FAM178B: variants seen among roughly 807,000 people sequenced by gnomAD.
The protein encoded by FAM178B is protein FAM178B.
A neutral mutation model predicts 91.7 loss-of-function variants in FAM178B; 82 were observed. The ratio of observed to expected loss-of-function variants is 0.89; its 90% CI spans 0.75 to 1.07. The LOEUF is 1.07. Ranked by LOEUF, FAM178B falls within the 50% of genes least tolerant of loss-of-function variation. The probability of loss-of-function intolerance (pLI) is 0.00; values close to 1 mark genes in which losing one functional copy is unlikely to be tolerated. For missense variants in FAM178B, 769 were observed against 846.7 expected, an observed-to-expected ratio of 0.91 and a Z score of 1.14; for synonymous variants, 368 against 359.4, an observed-to-expected ratio of 1.02 and a Z score of -0.27.
chr2:96,951,349 GCCACCTA>G (rs2081924087), intron 7 of FAM178B, 23 bp downstream of exon 7: 1 of 1,505,932 alleles, frequency 6.6e-7, no homozygotes, highest in African/African-American at 1.4e-5. Context: ...CAGCGCTCCC[GCCACCTA>G]GTGGCAGGCC....
At position 96,985,429 on chromosome 2, in the gene FAM178B, G is replaced by C. The variant is rs551849936; in HGVS notation, c.73+812C>G. On this transcript the variant is annotated intron_variant, in intron 1 of 16. Transcript: ENST00000490605. ...CCGAATCCTGCAAACCCCAGCCCCA[G>C]CCTTTAGCGTTCAGCCGCCCTCCCC... 1.1e-4 allele frequency among the ~76,000 whole-genome samples: 16 copies of C among 152,240 alleles called. No homozygotes were observed. The South Asian group carries it at 3.3e-3, about 32-fold the overall frequency.
chr2:96,912,660 T>C (rs1379667294), intron 12 of FAM178B, among the ~76,000 whole-genome samples: 2 of 151,978 alleles, frequency 1.3e-5, no homozygotes, highest in Non-Finnish European at 2.9e-5. Context: ...GGGAGCCGCG[T>C]CCTCTCCAGC....
intron 6 of FAM178B, among the ~76,000 whole-genome samples, chr2:96,954,189 G>A (rs1379356763): frequency 6.6e-6 from 1 of 152,260 alleles, no homozygotes; most frequent in African/African-American, 2.4e-5. Context: ...AGGCCTGGCT[G>A]AGTGGGAAGC....
chr2:96,965,226 C>A (rs59881596), intron 5 of FAM178B, among the ~76,000 whole-genome samples: 3,868 of 152,042 alleles, frequency 0.025, 149 homozygotes, highest in African/African-American at 0.087. Flanking sequence ...AGGCTGGTCT[C>A]AAAACTCCTT....
Position 96,986,436 on chromosome 2 carries a change from G to T in FAM178B, c.-123C>A. ...AGGCTCCCCAGGCGGCGCAGTGGGA[G>T]GACCCCAAGAGTTGCGTCCCTAGAT... On this transcript the variant is annotated 5_prime_UTR_variant, in exon 1 of 17. Transcript: ENST00000490605. The T allele has an allele frequency of 8.2e-7, 1 of 1,220,142 alleles. No homozygotes were observed. Among genetic ancestry groups the T allele is most frequent in the Non-Finnish European group, 1.1e-6 (1 of 901,054 alleles). 75.6% of individuals were successfully genotyped at this position (1,220,142 alleles called of 1,614,324 possible). A position where few individuals can be genotyped will look rare whatever the true frequency, so the allele number is the denominator to read the frequency against.
intron 8 of FAM178B, among the ~76,000 whole-genome samples, chr2:96,937,002 T>A (rs995502167): frequency 6.6e-6 from 1 of 152,156 alleles, no homozygotes. Flanking sequence ...TCCTCCTGCC[T>A]CAGCCTCCAG....
At chr2:96,908,595 T>C (rs541993915) in intron 12 of FAM178B, among the ~76,000 whole-genome samples, 17 of 152,240 alleles carry the variant, frequency 1.1e-4, no homozygotes, top group African/African-American at 3.9e-4. Context: ...GCTGTGAAAG[T>C]GATTACCTCT....
chr2:96,883,558 C>T (rs2080442064), intron 14 of FAM178B, among the ~76,000 whole-genome samples: 1 of 152,260 alleles, frequency 6.6e-6, no homozygotes, highest in African/African-American at 2.4e-5. Context: ...AGACCTGTTT[C>T]TGGCAGGAGG....
At chr2:96,926,648 T>C (rs1044048975) in intron 9 of FAM178B, among the ~76,000 whole-genome samples, 2 of 151,506 alleles carry the variant, frequency 1.3e-5, no homozygotes, top group African/African-American at 4.9e-5. Context: ...AGTCTCATCA[T>C]TGAGCAGAGG....
rs146756309 is a variant in FAM178B, at chr2:96,947,915, A to C, written c.994-13T>G. ...GCCATGTCAGCAGCTAGGTGGAAAA[A>C]AAAAACAAAAACAAAAACCTGGTGA... On this transcript the variant is annotated splice_polypyrimidine_tract_variant and intron_variant, in intron 7 of 16. Transcript: ENST00000490605. 8.8e-4 allele frequency: 1,301 copies of C among 1,485,894 alleles called. 9 individuals carry two copies. The African/African-American group carries it at 0.013, about 14-fold the overall frequency. The allele number at this position is 1,485,894 out of a possible 1,614,324, so 92.0% of individuals were successfully genotyped here.
At chr2:96,978,632 T>C (rs1050411555) in intron 1 of FAM178B, among the ~76,000 whole-genome samples, 1 of 151,532 alleles carries the variant, frequency 6.6e-6, no homozygotes, top group African/African-American at 2.4e-5. Flanking sequence ...TTTCTTCTTT[T>C]TTTTTTTTTT....
intron 5 of FAM178B, among the ~76,000 whole-genome samples, chr2:96,962,261 C>T (rs1039844145): frequency 4.0e-5 from 6 of 151,882 alleles, no homozygotes; most frequent in East Asian, 1.9e-4. Context: ...GAGATTGCAC[C>T]GCTGCACTCC....
intron 12 of FAM178B, among the ~76,000 whole-genome samples, chr2:96,919,632 G>T (rs2081299536): frequency 6.6e-6 from 1 of 152,064 alleles, no homozygotes; most frequent in Non-Finnish European, 1.5e-5. Context: ...TGGATGGGCG[G>T]TCTGGGGAGA....
rs2082423794 is a variant in FAM178B at position 96,986,335 on chromosome 2, C to T, written c.-22G>A. ...ACATAGGGCGGGAAGGGCAGGGCTCCGGGGTGAGGGAGGGTGGCGGGAATT... is the reference window on the plus strand; with the variant it reads ...ACATAGGGCGGGAAGGGCAGGGCTCTGGGGTGAGGGAGGGTGGCGGGAATT... On this transcript the variant is annotated 5_prime_UTR_variant, in exon 1 of 17. Transcript: ENST00000490605. 5 of 1,531,514 alleles carry T rather than the reference C, an allele frequency of 3.3e-6. No homozygotes were observed. The highest frequency in any genetic ancestry group is 2.4e-5 in the East Asian group (1 of 40,820). 94.9% of individuals were successfully genotyped at this position (1,531,514 alleles called of 1,614,324 possible).
In FAM178B at chr2:96,902,169, G is replaced by A. The variant is rs371303225; in HGVS notation, c.1650+451C>T. ...CGCCCAGGCTGGAGTGCAGTGGCGC[G>A]ATCTTGGCTCACTGCAAGCTCCACC... On this transcript the variant is annotated intron_variant, in intron 13 of 16. Transcript: ENST00000490605. 2.8e-4 allele frequency among the ~76,000 whole-genome samples: 41 copies of A among 149,046 alleles called. No homozygotes were observed. In the East Asian group the frequency reaches 2.8e-3, roughly 10 times the overall value.
intron 1 of FAM178B, 123 bp from the exon 2 acceptor site, chr2:96,972,729 T>C: frequency 1.3e-6 from 1 of 784,298 alleles, no homozygotes; most frequent in Non-Finnish European, 2.0e-6. Flanking sequence ...CCCTGAGGAC[T>C]GGCCTTCTGA....
At chr2:96,965,683 C>G (rs1188547268) in intron 5 of FAM178B, among the ~76,000 whole-genome samples, 1 of 152,142 alleles carries the variant, frequency 6.6e-6, no homozygotes, top group Non-Finnish European at 1.5e-5. Flanking sequence ...CGGGGCTGGT[C>G]TTAAAACTCC....
In FAM178B at chr2:96,961,337, G is replaced by A. The variant is rs571516595; in HGVS notation, c.735-897C>T. Among the ~76,000 whole-genome samples the A allele has an allele frequency of 2.0e-5, 3 of 151,132 alleles. No homozygotes were observed. The East Asian group carries it at 5.9e-4, about 30-fold the overall frequency. ...GGTGTGTGTGTGTGTGTGTGTGTGT[G>A]TGTACACACACACAAGCCTACACAC... On this transcript the variant is annotated intron_variant, in intron 5 of 16. Coordinates refer to ENST00000490605, the MANE Select transcript of FAM178B (RefSeq NM_001122646.3).
chr2:96,954,719 G>A (rs1056271487), intron 6 of FAM178B, among the ~76,000 whole-genome samples: 44 of 152,330 alleles, frequency 2.9e-4, no homozygotes, highest in Admixed American at 1.3e-3. Flanking sequence ...CAACCAAAGC[G>A]TTCACCTATG....
Sources: allele counts gnomAD v4.1 joint callset (sites outside exome capture counted in the v4.1 genomes callset), GRCh38; gene constraint gnomAD v4.1.1; transcripts MANE v1.5; gene names NCBI Gene and HGNC (gene_info 2026-07-23, HGNC 2026-07-21).